C3orf70: variants seen among roughly 807,000 people sequenced by gnomAD.
C3orf70 encodes chromosome 3 open reading frame 70.
C3orf70 carries 15 observed loss-of-function variants against 20.7 expected under a neutral mutation model. That is an observed-to-expected ratio of 0.72 (90% CI 0.48 to 1.11). The LOEUF (loss-of-function observed/expected upper bound fraction) is 1.11, where lower values mean the gene tolerates loss of function less well. Among genes scored for constraint, C3orf70 ranks in the 50% most tolerant of loss-of-function variants. The pLI is 0.00. For missense variants in C3orf70, 332 were observed against 317.6 expected (o/e 1.05, Z -0.34); for synonymous variants, 161 against 125.7 (o/e 1.28, Z -1.88).
At chr3:185,132,724 G>T (rs1716545053) in intron 1 of C3orf70, among the ~76,000 whole-genome samples, 1 of 152,180 alleles carries the variant, frequency 6.6e-6, no homozygotes, top group South Asian at 2.1e-4. Flanking sequence ...CAGGTGGTCA[G>T]GTATTTTCTA....
chr3:185,114,965 A>G (rs1716145989), intron 1 of C3orf70, among the ~76,000 whole-genome samples: 1 of 152,242 alleles, frequency 6.6e-6, no homozygotes, highest in Non-Finnish European at 1.5e-5. Context: ...AGCCTCAGGC[A>G]ATTCACTCAA....
chr3:185,099,328 G>T (rs1348812194), intron 1 of C3orf70, among the ~76,000 whole-genome samples: 4 of 152,186 alleles, frequency 2.6e-5, no homozygotes, highest in Non-Finnish European at 5.9e-5. Context: ...AGACAGAAAG[G>T]TCAGGTCACT....
chr3:185,152,591 A>AC (rs1225938696), intron 1 of C3orf70, 37 bp downstream of exon 1: 2 of 1,511,192 alleles, frequency 1.3e-6, no homozygotes, highest in African/African-American at 2.9e-5. Flanking sequence ...CGTCCCCCGG[A>AC]CCGCGGCGGA....
intron 1 of C3orf70, among the ~76,000 whole-genome samples, chr3:185,102,374 G>C (rs140658402): frequency 6.6e-6 from 1 of 152,070 alleles, no homozygotes; most frequent in Non-Finnish European, 1.5e-5. Flanking sequence ...ATCTCTCCAA[G>C]GAGAACTACA....
rs1716293296 is a variant in C3orf70, at chr3:185,121,351, T to C, written c.196+31277A>G. On this transcript the variant is annotated intron_variant, in intron 1 of 1. Transcript: ENST00000335012. ...ATTACCACCTGTTCCCCAAAATCTA[T>C]GGAAATTAAAAAAAAAAAAAAAAGA... is the stretch of plus-strand genomic sequence containing the variant. Among the ~76,000 whole-genome samples, 7 of 138,988 alleles carry C rather than the reference T, an allele frequency of 5.0e-5. No homozygotes were observed. The South Asian group carries it at 1.1e-3, about 22-fold the overall frequency. The allele number at this position is 138,988 out of a possible 152,430, so 91.2% of individuals were successfully genotyped here.
chr3:185,084,158 G>A (rs1715411906), intron 1 of C3orf70, among the ~76,000 whole-genome samples: 1 of 151,870 alleles, frequency 6.6e-6, no homozygotes. Context: ...ACTCCAGCCT[G>A]GGCGACAGAG....
chr3:185,085,019 G>A (rs925735642), intron 1 of C3orf70, among the ~76,000 whole-genome samples: 1 of 152,168 alleles, frequency 6.6e-6, no homozygotes, highest in African/African-American at 2.4e-5. Context: ...GAGGGGTGCT[G>A]TCTATCCTAG....
chr3:185,097,997 G>T (rs747167934), intron 1 of C3orf70, among the ~76,000 whole-genome samples: 3 of 152,200 alleles, frequency 2.0e-5, no homozygotes, highest in Non-Finnish European at 4.4e-5. Flanking sequence ...GACCAAATAA[G>T]ATTTCCATGC....
Position 185,076,905 on chromosome 3 carries a change from A to G in C3orf70, c.*6102T>C, listed in dbSNP as rs550101513. On this transcript the variant is annotated 3_prime_UTR_variant, in exon 2 of 2. Transcript: ENST00000335012. The stretch of plus-strand genomic sequence containing the variant: ...CAGTCAGCATTTGTAAGAGGCTACA[A>G]TGAGATGCCTTCTAGGACTTGGCAA... Among the ~76,000 whole-genome samples the G allele has an allele frequency of 6.6e-6, 1 of 152,338 alleles. No homozygotes were observed. The highest frequency in any genetic ancestry group is 2.1e-4 in the South Asian group (1 of 4,832).
chr3:185,087,134 T>A (rs1187032044), intron 1 of C3orf70, among the ~76,000 whole-genome samples: 1 of 152,216 alleles, frequency 6.6e-6, no homozygotes, highest in Non-Finnish European at 1.5e-5. Flanking sequence ...TCTGGCGATT[T>A]AGCCAAGAAA....
intron 1 of C3orf70, among the ~76,000 whole-genome samples, chr3:185,096,454 A>G (rs371077526): frequency 3.9e-5 from 6 of 152,186 alleles, no homozygotes; most frequent in African/African-American, 1.2e-4. Flanking sequence ...AAGAGAAAAA[A>G]GGGGTCCAGA....
chr3:185,149,354 TA>T (rs1212358541), intron 1 of C3orf70, among the ~76,000 whole-genome samples: 1 of 135,946 alleles, frequency 7.4e-6, no homozygotes, highest in Non-Finnish European at 1.5e-5. Context: ...ATCGCGCCAC[TA>T]CACTCCAGCC....
chr3:185,141,776 G>A (rs1028425860), intron 1 of C3orf70, among the ~76,000 whole-genome samples: 7 of 149,618 alleles, frequency 4.7e-5, no homozygotes, highest in Non-Finnish European at 1.0e-4. Flanking sequence ...GGAGGTACAA[G>A]TATGCAGTGG....
rs1311677954 is a variant in C3orf70, at chr3:185,081,796, C to T, written c.*1211G>A. 1 of 152,640 alleles carries T rather than the reference C, an allele frequency of 6.6e-6. No individual in the cohort carries two copies. Among genetic ancestry groups the T allele is most frequent in the Non-Finnish European group, 1.5e-5 (1 of 68,038 alleles). The allele number at this position is 152,640 out of a possible 1,614,324, so 9.5% of individuals were successfully genotyped here. A position where few individuals can be genotyped will look rare whatever the true frequency, so the allele number is the denominator to read the frequency against. ...ATGGCTATTACACTGGATATTTTCT[C>T]CTGACTTAGCAGCAAACTATTTCAA... is the stretch of plus-strand genomic sequence containing the variant. On this transcript the variant is annotated 3_prime_UTR_variant, in exon 2 of 2. Transcript: ENST00000335012.
intron 1 of C3orf70, among the ~76,000 whole-genome samples, chr3:185,110,165 C>T (rs1016158135): frequency 1.3e-4 from 20 of 152,150 alleles, no homozygotes; most frequent in African/African-American, 4.8e-4. Flanking sequence ...TTTGTGGAAA[C>T]TATTAATAGC....
At chr3:185,120,263 T>C (rs988295193) in intron 1 of C3orf70, among the ~76,000 whole-genome samples, 1 of 152,174 alleles carries the variant, frequency 6.6e-6, no homozygotes, top group Non-Finnish European at 1.5e-5. Context: ...TCAACAAATA[T>C]GTACTATCTG....
chr3:185,134,636 A>T (rs1249402718), intron 1 of C3orf70, among the ~76,000 whole-genome samples: 1 of 152,174 alleles, frequency 6.6e-6, no homozygotes, highest in Admixed American at 6.5e-5. Flanking sequence ...ACCTAAAATG[A>T]CAAAAAAAAC....
chr3:185,141,476 GATTT>G, intron 1 of C3orf70, among the ~76,000 whole-genome samples: 1 of 152,138 alleles, frequency 6.6e-6, no homozygotes, highest in East Asian at 1.9e-4. Flanking sequence ...GTTTACAGCA[GATTT>G]ATTTATAATA....
Position 185,115,042 on chromosome 3 carries a change from G to A in C3orf70, c.197-31479C>T, listed in dbSNP as rs149137297. ...AGATCAGTGATTCTCAATCTTGGGTGTGCAGCAGAATCCTCTAAGGGGTAT... is the reference window on the plus strand; with the variant it reads ...AGATCAGTGATTCTCAATCTTGGGTATGCAGCAGAATCCTCTAAGGGGTAT... On this transcript the variant is annotated intron_variant, in intron 1 of 1. Coordinates refer to ENST00000335012, the MANE Select transcript of C3orf70 (RefSeq NM_001025266.3). 1.4e-3 allele frequency among the ~76,000 whole-genome samples: 216 copies of A among 152,308 alleles called. 1 individual carries two copies. The highest frequency in any genetic ancestry group is 4.9e-3 in the African/African-American group (203 of 41,556).
Sources: gnomAD v4.1 joint callset for allele counts (sites outside exome capture counted in the v4.1 genomes callset) on GRCh38, gnomAD v4.1.1 for gene constraint, MANE v1.5 for transcripts, NCBI Gene and HGNC (gene_info 2026-07-23, HGNC 2026-07-21) for gene names.